SNTG1: variants seen among roughly 807,000 people sequenced by gnomAD.
SNTG1 encodes syntrophin gamma 1.
In SNTG1, 39 loss-of-function variants were observed where a neutral mutation model predicts 74.7. The ratio of observed to expected loss-of-function variants is 0.52; its 90% CI spans 0.40 to 0.68. The LOEUF (loss-of-function observed/expected upper bound fraction) is 0.68. Among genes scored for constraint, SNTG1 ranks in the 30% least tolerant of loss-of-function variants. SNTG1 has a pLI of 0.00. For missense variants in SNTG1, 685 were observed against 609.5 expected, an observed-to-expected ratio of 1.12 and a Z score of -1.30; for synonymous variants, 254 against 217.1, an observed-to-expected ratio of 1.17 and a Z score of -1.49.
chr8:50,124,862 T>C lies in SNTG1; in HGVS notation c.-102-47699T>C, dbSNP rs184759411. ...TATGAGAGTGGGATTAAATACTCCA[T>C]AGAATTTTTGAAATATTTGTTGTGT... On this transcript the variant is annotated intron_variant, in intron 1 of 18. Coordinates refer to ENST00000642720, the MANE Select transcript of SNTG1 (RefSeq NM_018967.5). Among the ~76,000 whole-genome samples the C allele has an allele frequency of 2.1e-3, 293 of 141,846 alleles. 35 individuals carry two copies. Among genetic ancestry groups the C allele is most frequent in the African/African-American group, 6.9e-3 (270 of 39,338 alleles). 93.1% of individuals were successfully genotyped at this position (141,846 alleles called of 152,430 possible). A position where few individuals can be genotyped will look rare whatever the true frequency, so the allele number is the denominator to read the frequency against.
chr8:50,749,028 T>C (rs1200176694), intron 17 of SNTG1, among the ~76,000 whole-genome samples: 1 of 152,170 alleles, frequency 6.6e-6, no homozygotes, highest in East Asian at 2.0e-4. Flanking sequence ...GAGAAAGGCG[T>C]GTTGAAAACA....
chr8:50,166,198 G>A (rs1207502131), intron 1 of SNTG1, among the ~76,000 whole-genome samples: 2 of 12,998 alleles, frequency 1.5e-4, no homozygotes, highest in African/African-American at 6.6e-4. Flanking sequence ...TACCATTCAG[G>A]ACATAGGCGT....
At chr8:50,456,272 A>G (rs1300337755) in intron 8 of SNTG1, among the ~76,000 whole-genome samples, 1 of 152,092 alleles carries the variant, frequency 6.6e-6, no homozygotes, top group Non-Finnish European at 1.5e-5. Context: ...TTATTTTTTG[A>G]GTGAAGTTGA....
At chr8:50,776,034 T>G (rs1026175528) in intron 18 of SNTG1, among the ~76,000 whole-genome samples, 3 of 151,582 alleles carry the variant, frequency 2.0e-5, no homozygotes, top group African/African-American at 7.2e-5. Context: ...GGGTCATGTT[T>G]TTTAATCTAT....
At chr8:50,486,795 G>C (rs2093799106) in intron 8 of SNTG1, among the ~76,000 whole-genome samples, 1 of 151,258 alleles carries the variant, frequency 6.6e-6, no homozygotes, top group Admixed American at 6.6e-5. Flanking sequence ...GTTTGTCATA[G>C]ATAGCTCTTA....
At chr8:50,754,633 G>T (rs780881303) in intron 18 of SNTG1, among the ~76,000 whole-genome samples, 1 of 151,762 alleles carries the variant, frequency 6.6e-6, no homozygotes, top group Non-Finnish European at 1.5e-5. Flanking sequence ...AATTTTTACT[G>T]ATTTTTATAT....
At chr8:50,627,786 G>A (rs1186360613) in intron 13 of SNTG1, among the ~76,000 whole-genome samples, 1 of 152,230 alleles carries the variant, frequency 6.6e-6, no homozygotes, top group East Asian at 1.9e-4. Context: ...AGGCATGAGA[G>A]AAGAATGGAG....
chr8:50,119,878 A>T (rs1031526444), intron 1 of SNTG1, among the ~76,000 whole-genome samples: 3 of 142,134 alleles, frequency 2.1e-5, no homozygotes, highest in African/African-American at 7.6e-5. Context: ...AAAGTGCAAT[A>T]CTCAGGATAT....
chr8:50,152,309 A>T (rs1394333508), intron 1 of SNTG1, among the ~76,000 whole-genome samples: 1 of 152,140 alleles, frequency 6.6e-6, no homozygotes. Flanking sequence ...GTCTCTGCAC[A>T]TGAGATGGGT....
chr8:50,600,845 T>C (rs554156286), intron 13 of SNTG1, among the ~76,000 whole-genome samples: 5 of 151,860 alleles, frequency 3.3e-5, no homozygotes, highest in Admixed American at 2.0e-4. Context: ...ATATTGGGTT[T>C]GGTTTGCTGT....
At chr8:50,290,848 C>A (rs569366753) in intron 2 of SNTG1, among the ~76,000 whole-genome samples, 3 of 152,056 alleles carry the variant, frequency 2.0e-5, no homozygotes, top group Admixed American at 6.6e-5. Context: ...GCAGCCTTGA[C>A]TTCCCAGGTT....
chr8:49,936,087 CAG>C (rs1808056449), intron 1 of SNTG1, among the ~76,000 whole-genome samples: 1 of 152,062 alleles, frequency 6.6e-6, no homozygotes, highest in Non-Finnish European at 1.5e-5. Flanking sequence ...GAATGGTTCA[CAG>C]AGAGACTTAT....
At chr8:50,578,761 T>A (rs974098496) in intron 12 of SNTG1, among the ~76,000 whole-genome samples, 6 of 152,164 alleles carry the variant, frequency 3.9e-5, no homozygotes, top group Non-Finnish European at 7.4e-5. Flanking sequence ...TTGCTTCCCC[T>A]TTTGCCATAA....
At chr8:50,611,559 A>G (rs1257629541) in intron 13 of SNTG1, among the ~76,000 whole-genome samples, 3 of 152,314 alleles carry the variant, frequency 2.0e-5, no homozygotes, top group East Asian at 3.9e-4. Context: ...ATTCTATTAT[A>G]CACCATAGTA....
chr8:50,588,667 T>C (rs1256846483), intron 12 of SNTG1, among the ~76,000 whole-genome samples: 1 of 152,228 alleles, frequency 6.6e-6, no homozygotes, highest in African/African-American at 2.4e-5. Context: ...TATTTTTACA[T>C]AATCCTGGGA....
At chr8:50,598,857 T>A (rs2094751493) in intron 13 of SNTG1, among the ~76,000 whole-genome samples, 1 of 151,984 alleles carries the variant, frequency 6.6e-6, no homozygotes, top group South Asian at 2.1e-4. Flanking sequence ...GCTTCCTAAT[T>A]TTTTTATGAT....
chr8:50,639,148 A>C (rs1245018109), intron 13 of SNTG1, among the ~76,000 whole-genome samples: 1 of 151,918 alleles, frequency 6.6e-6, no homozygotes. Context: ...TGGAAATACA[A>C]GTTTAAAGTT....
At chr8:49,916,521 AT>A (rs1806053528) in intron 1 of SNTG1, among the ~76,000 whole-genome samples, 2 of 152,192 alleles carry the variant, frequency 1.3e-5, no homozygotes, top group Admixed American at 6.5e-5. Flanking sequence ...ACTTGAAGAT[AT>A]TTTTAAAATT....
chr8:50,501,707 C>T (rs2093959049), intron 8 of SNTG1, among the ~76,000 whole-genome samples: 1 of 151,490 alleles, frequency 6.6e-6, no homozygotes, highest in South Asian at 2.1e-4. Context: ...ATCCACCTGC[C>T]TCGGTCTCCC....
Sources: gnomAD v4.1 joint callset for allele counts (sites outside exome capture counted in the v4.1 genomes callset) on GRCh38, gnomAD v4.1.1 for gene constraint, MANE v1.5 for transcripts, NCBI Gene and HGNC (gene_info 2026-07-23, HGNC 2026-07-21) for gene names.